The following FBN3 variants were observed in gnomAD, a reference collection of about 807,000 sequenced individuals.
FBN3 encodes fibrillin-3.
Under a neutral mutation model 330.1 loss-of-function variants are expected in FBN3, and 234 were observed. That is an observed-to-expected ratio of 0.71 (90% CI 0.64 to 0.79). FBN3 has a LOEUF of 0.79. FBN3 is among the 30% of genes least tolerant of loss of function. The pLI, the probability that FBN3 is intolerant of heterozygous loss-of-function variation, is 0.00. For synonymous variants in FBN3, 1,458 were observed against 1,517.3 expected (o/e 0.96, Z 0.91); for missense variants, 3,606 against 3,886.9 (o/e 0.93, Z 1.92).
Position 8,066,274 on chromosome 19 carries a change from C to T in FBN3, c.8089-14G>A, listed in dbSNP as rs1407693580. ...GGCCAGGTTCACCTGGGAAGAAAGGCCAGGTGTGTGGTCAGAGCCCAGGAG... is the reference window on the plus strand; with the variant it reads ...GGCCAGGTTCACCTGGGAAGAAAGGTCAGGTGTGTGGTCAGAGCCCAGGAG... On this transcript the variant is annotated splice_polypyrimidine_tract_variant and intron_variant, in intron 63 of 63. Transcript: ENST00000600128. 8 of 1,517,132 alleles carry T rather than the reference C, an allele frequency of 5.3e-6. No homozygotes were observed. The South Asian group carries it at 7.4e-5, about 14-fold the overall frequency. 94.0% of individuals were successfully genotyped at this position (1,517,132 alleles called of 1,614,324 possible). A position where few individuals can be genotyped will look rare whatever the true frequency, so the allele number is the denominator to read the frequency against.
At chr19:8,103,266 C>CAAAAA (rs71165275) in intron 39 of FBN3, among the ~76,000 whole-genome samples, 5 of 107,880 alleles carry the variant, frequency 4.6e-5, no homozygotes, top group Admixed American at 1.1e-4. Flanking sequence ...GACTCTATCT[C>CAAAAA]AAAAAAAAAA....
chr19:8,097,132 G>T (rs1291223956), intron 42 of FBN3, 126 bp from the exon 43 acceptor site: 2 of 1,482,502 alleles, frequency 1.3e-6, no homozygotes, highest in East Asian at 2.3e-5. Context: ...CTGGAGTAAG[G>T]GTGGTTATAT....
At chr19:8,111,214 G>C (rs763386413) in intron 32 of FBN3, 31 bp from the exon 33 acceptor site, 1 of 1,564,628 alleles carries the variant, frequency 6.4e-7, no homozygotes. Flanking sequence ...GAGGGCTGGA[G>C]GCCGGTGGAC....
intron 61 of FBN3, among the ~76,000 whole-genome samples, chr19:8,073,812 T>A (rs891996078): frequency 2.0e-5 from 3 of 152,184 alleles, no homozygotes; most frequent in African/African-American, 7.2e-5. Context: ...CCTGAGTAGC[T>A]GGGACTACAG....
intron 8 of FBN3, 26 bp from the exon 9 acceptor site, chr19:8,138,590 A>C (rs375344824): frequency 6.3e-7 from 1 of 1,579,898 alleles, no homozygotes; most frequent in African/African-American, 1.3e-5. Context: ...GGGTGAGCCC[A>C]TGAGCACAGG....
Position 8,147,440 on chromosome 19 carries a change from G to A in FBN3, c.41C>T (p.Ala14Val), listed in dbSNP as rs1268007363. Residue 14 changes from alanine (A) to valine (V), a missense_variant, in exon 2 of 64, where the codon GCC becomes GTC. Physicochemically the swap from Ala to Val is moderately conservative, Grantham distance 64. Coordinates refer to ENST00000600128, the MANE Select transcript of FBN3 (RefSeq NM_032447.5). Reference sequence around the variant, plus strand: ...GGCCGACCAGGCCAGCAGGAGCCGGGCCAGGGGGCCCCTTGCCAAATACAG... The same window carrying A: ...GGCCGACCAGGCCAGCAGGAGCCGGACCAGGGGGCCCCTTGCCAAATACAG... Reference protein sequence around the residue: ...EGLYLARGPLARLLLAWSALL... With the variant: ...EGLYLARGPLVRLLLAWSALL... 1.9e-6 allele frequency: 3 copies of A among 1,569,726 alleles called. No individual in the cohort carries two copies. The highest frequency in any genetic ancestry group is 3.9e-5 in the Admixed American group (2 of 51,944).
At chr19:8,135,186 T>A (rs2083249979) in intron 13 of FBN3, among the ~76,000 whole-genome samples, 1 of 151,580 alleles carries the variant, frequency 6.6e-6, no homozygotes, top group African/African-American at 2.4e-5. Context: ...GCTGTGTTGC[T>A]CAGGCTGATC....
chr19:8,106,202 C>T lies in FBN3; in HGVS notation c.4719G>A (p.Leu1573=). The change falls in exon 38 of 64, where the codon CTG becomes CTA. Residue 1573 remains leucine, a synonymous_variant. Transcript: ENST00000600128. The part of the protein sequence containing the change: ...DIDECQELPG[L]CQGGDCVNTF... ...TGTTGACGCAGTCACCCCCCTGACACAGCCCTGGCAGCTCTTGGCACTCGT... is the reference window on the plus strand; with the variant it reads ...TGTTGACGCAGTCACCCCCCTGACATAGCCCTGGCAGCTCTTGGCACTCGT... 6.2e-7 allele frequency: 1 copy of T among 1,614,214 alleles called. No individual in the cohort carries two copies. The highest frequency in any genetic ancestry group is 8.5e-7 in the Non-Finnish European group (1 of 1,180,026).
chr19:8,090,224 C>G lies in FBN3; in HGVS notation c.6059G>C (p.Arg2020Pro). The stretch of plus-strand genomic sequence containing the variant: ...CACCGAGCACTTCCCAGCCTCAAAA[C>G]GGGTGAAGCAGAAACTCTGCCGTGT... ...FDTRQSFCFT[R>P]FEAGKCSVPK... Residue 2020 changes from arginine (R) to proline (P), a missense_variant, in exon 49 of 64, where the codon CGT becomes CCT. Physicochemically the swap from Arg to Pro is moderately radical, Grantham distance 103 (BLOSUM62 -2). Coordinates refer to ENST00000600128, the MANE Select transcript of FBN3 (RefSeq NM_032447.5). 3 of 1,613,984 alleles carry G rather than the reference C, an allele frequency of 1.9e-6. No individual in the cohort carries two copies. The highest frequency in any genetic ancestry group is 2.5e-6 in the Non-Finnish European group (3 of 1,179,996).
intron 39 of FBN3, 70 bp downstream of exon 39, chr19:8,103,492 C>G: frequency 6.5e-7 from 1 of 1,526,720 alleles, no homozygotes; most frequent in African/African-American, 1.4e-5. Context: ...TTGAAGGCTC[C>G]CAGCAGTTCC....
At chr19:8,111,624 G>GCCC in intron 32 of FBN3, 24 bp downstream of exon 32, 3 of 1,453,548 alleles carry the variant, frequency 2.1e-6, no homozygotes, top group Non-Finnish European at 2.8e-6. Context: ...TAGGGCCCCT[G>GCCC]CCCTCCCACC....
At position 8,144,970 on chromosome 19, in the gene FBN3, T is replaced by A. The variant is rs117724347; in HGVS notation, c.448A>T (p.Ile150Phe). The change falls in exon 6 of 64, where the codon ATC (isoleucine) becomes TTC (phenylalanine). Residue 150 changes from isoleucine (I) to phenylalanine (F), a missense_variant and splice_region_variant. By Grantham distance (21) the Ile-to-Phe change is conservative. Coordinates refer to ENST00000600128, the MANE Select transcript of FBN3 (RefSeq NM_032447.5). Reference sequence around the variant, plus strand: ...CCATTGTGGCAGCCGCGGTCACAGATGGCTGTGGAGGAGAGAGGGTGATGG... The same window carrying A: ...CCATTGTGGCAGCCGCGGTCACAGAAGGCTGTGGAGGAGAGAGGGTGATGG... ...GYTGTVCGQP[I>F]CDRGCHNGGR... is the part of the protein sequence containing the mutation. 11,183 of 1,608,626 alleles carry A rather than the reference T, an allele frequency of 7.0e-3. 51 individuals are homozygous for A. Among genetic ancestry groups the A allele is most frequent in the Non-Finnish European group, 8.6e-3 (10,113 of 1,178,496 alleles).
chr19:8,109,694 C>T lies in FBN3; in HGVS notation c.4393G>A (p.Gly1465Ser), dbSNP rs746124719. The change falls in exon 35 of 64, where the codon GGC (glycine) becomes AGC (serine). Residue 1465 changes from glycine (G) to serine (S), a missense_variant. Transcript: ENST00000600128. This position sits in a 1 kb window ranked among gnomAD's most constrained non-coding sequence, Gnocchi z 5.2. ...TGGGGGCAGCTGCAGAGGTAGCTGC[C>T]GGGGGTGTTAATGCACACGCCGTTG... Reference protein sequence around the residue: ...CINGVCINTPGSYLCSCPQDF... With the variant: ...CINGVCINTPSSYLCSCPQDF... 5.1e-6 allele frequency: 8 copies of T among 1,561,086 alleles called. No homozygotes were observed. The highest frequency in any genetic ancestry group is 2.5e-5 in the South Asian group (2 of 81,444).
chr19:8,095,851 T>C (rs1211215070), intron 45 of FBN3, 113 bp downstream of exon 45: 5 of 670,258 alleles, frequency 7.5e-6, no homozygotes, highest in African/African-American at 1.8e-5. Context: ...TGTTATTTAA[T>C]TTCTAAATAA....
At position 8,073,267 on chromosome 19, in the gene FBN3, G is replaced by A; in HGVS notation, c.7733C>T (p.Thr2578Ile). ...DENECALSPP[T>I]CGSASCRNTL... Reference sequence around the variant, plus strand: ...GTTGCGACAGGAGGCGCTCCCGCAGGTGGGGGGCGACAGGGCACACTCATT... The same window carrying A: ...GTTGCGACAGGAGGCGCTCCCGCAGATGGGGGGCGACAGGGCACACTCATT... Residue 2578 changes from threonine to isoleucine, a missense_variant, in exon 62 of 64, where the codon ACC becomes ATC. Coordinates refer to ENST00000600128, the MANE Select transcript of FBN3 (RefSeq NM_032447.5). The A allele has an allele frequency of 6.2e-7, 1 of 1,613,994 alleles. No homozygotes were observed. The highest frequency in any genetic ancestry group is 8.5e-7 in the Non-Finnish European group (1 of 1,179,970).
chr19:8,135,936 G>GACCCC, intron 13 of FBN3, 25 bp downstream of exon 13: 19 of 668,774 alleles, frequency 2.8e-5, no homozygotes, highest in South Asian at 8.1e-5. Flanking sequence ...GGAAGCCCCT[G>GACCCC]CCCACCCGCC....
In FBN3 at chr19:8,102,801, C is replaced by T. The variant is rs143445771; in HGVS notation, c.5012G>A (p.Arg1671Gln). ...GTTGTAGGAGCAGCAACACATTTTCCGGGTCACGTTGAAGGCCAGCTCATT... is the reference window on the plus strand; with the variant it reads ...GTTGTAGGAGCAGCAACACATTTTCTGGGTCACGTTGAAGGCCAGCTCATT... ...CQNELAFNVT[R>Q]KMCCCSYNIG... The change falls in exon 40 of 64, where the codon CGG becomes CAG. Residue 1671 changes from arginine (R) to glutamine (Q), a missense_variant. By Grantham distance (43) the Arg-to-Gln change is conservative. Transcript: ENST00000600128. The T allele has an allele frequency of 7.6e-4, 1,225 of 1,614,060 alleles. 4 individuals are homozygous for T. The highest frequency in any genetic ancestry group is 8.5e-4 in the Non-Finnish European group (1,007 of 1,180,002).
Position 8,131,774 on chromosome 19 carries a change from G to A in FBN3, c.1770C>T (p.Thr590=), listed in dbSNP as rs765373177. Residue 590 remains threonine (T), a synonymous_variant, in exon 15 of 64, where the codon ACC becomes ACT. Coordinates refer to ENST00000600128, the MANE Select transcript of FBN3 (RefSeq NM_032447.5). The surrounding 1 kb of genome is among the most constrained non-coding windows in gnomAD (Gnocchi z 4.5). ...GICVNGHCTN[T]EGSFRCQCLG... The stretch of plus-strand genomic sequence containing the variant: ...GGCACTGGCAGCGGAAGGAGCCCTC[G>A]GTGTTGGTACAGTGGCCGTTCACGC... 7 of 1,612,940 alleles carry A rather than the reference G, an allele frequency of 4.3e-6. No individual in the cohort carries two copies. Among genetic ancestry groups the A allele is most frequent in the African/African-American group, 2.7e-5 (2 of 74,896 alleles).
At position 8,109,806 on chromosome 19, in the gene FBN3, C is replaced by T. The variant is rs1465725419; in HGVS notation, c.4334-53G>A. 20 of 1,446,332 alleles carry T rather than the reference C, an allele frequency of 1.4e-5. No homozygotes were observed. The highest frequency in any genetic ancestry group is 1.6e-5 in the Non-Finnish European group (18 of 1,099,240). 89.6% of individuals were successfully genotyped at this position (1,446,332 alleles called of 1,614,324 possible). A position where few individuals can be genotyped will look rare whatever the true frequency, so the allele number is the denominator to read the frequency against. ...AGGGAGCCCCTTCCTCGGCCCCCCTCCCTCCTAGCTTCATCCTGGGAAGCT... is the reference window on the plus strand; with the variant it reads ...AGGGAGCCCCTTCCTCGGCCCCCCTTCCTCCTAGCTTCATCCTGGGAAGCT... On this transcript the variant is annotated intron_variant, in intron 34 of 63. Transcript: ENST00000600128. This position sits in a 1 kb window ranked among gnomAD's most constrained non-coding sequence, Gnocchi z 5.2.
Sources: gnomAD v4.1 joint callset for allele counts (sites outside exome capture counted in the v4.1 genomes callset) on GRCh38, gnomAD v4.1.1 for gene constraint, Gnocchi (gnomAD v3.1) non-coding constraint, MANE v1.5 for transcripts, NCBI Gene and HGNC (gene_info 2026-07-23, HGNC 2026-07-21) for gene names.